The following GASK1A variants were observed in gnomAD, a reference collection of about 807,000 sequenced individuals.
GASK1A encodes golgi associated kinase 1A.
A neutral mutation model predicts 41.2 loss-of-function variants in GASK1A; 40 were observed. The observed-to-expected ratio is 0.97, with a 90% confidence interval of 0.75 to 1.27. GASK1A has a LOEUF of 1.27. Ranked by LOEUF, GASK1A falls within the 50% of genes most tolerant of loss-of-function variation. The probability of loss-of-function intolerance (pLI) is 0.00; values close to 1 mark genes in which losing one functional copy is unlikely to be tolerated. For synonymous variants in GASK1A, 316 were observed against 307.1 expected (o/e 1.03, Z -0.30); for missense variants, 678 against 745.1 (o/e 0.91, Z 1.05).
chr3:43,008,489 C>T (rs553601464), intron 1 of GASK1A, among the ~76,000 whole-genome samples: 1 of 152,344 alleles, frequency 6.6e-6, no homozygotes, highest in East Asian at 1.9e-4. Flanking sequence ...CTCTTTATTT[C>T]CCATTCAGTG....
intron 1 of GASK1A, among the ~76,000 whole-genome samples, chr3:43,017,911 G>T (rs970298848): frequency 6.6e-6 from 1 of 152,128 alleles, no homozygotes; most frequent in African/African-American, 2.4e-5. Flanking sequence ...CCACAGGAAG[G>T]TGGGAAGTCA....
chr3:42,990,088 G>A (rs1327914208), intron 1 of GASK1A, among the ~76,000 whole-genome samples: 1 of 151,948 alleles, frequency 6.6e-6, no homozygotes, highest in African/African-American at 2.4e-5. Context: ...CAGCACTTTG[G>A]GAGGCTGAGG....
intron 1 of GASK1A, among the ~76,000 whole-genome samples, chr3:43,023,846 C>T (rs994571374): frequency 2.0e-5 from 3 of 152,050 alleles, no homozygotes; most frequent in South Asian, 2.1e-4. Context: ...GCTTATTTAC[C>T]CACTGACTTT....
chr3:42,981,810 T>C (rs1215596806), intron 1 of GASK1A, among the ~76,000 whole-genome samples: 5 of 152,226 alleles, frequency 3.3e-5, no homozygotes, highest in Admixed American at 2.6e-4. Flanking sequence ...ATAGATGCTA[T>C]ATCATTTCCC....
At chr3:43,009,277 C>T (rs1287238863) in intron 1 of GASK1A, among the ~76,000 whole-genome samples, 1 of 152,212 alleles carries the variant, frequency 6.6e-6, no homozygotes, top group East Asian at 1.9e-4. Flanking sequence ...TAACACAACT[C>T]ATCATCTCCC....
At chr3:43,015,585 C>T (rs2089486790) in intron 1 of GASK1A, among the ~76,000 whole-genome samples, 1 of 142,808 alleles carries the variant, frequency 7.0e-6, no homozygotes, top group East Asian at 2.2e-4. Flanking sequence ...TGCAAAGTCA[C>T]AGGAAGGAAA....
In GASK1A at chr3:43,033,236, G is replaced by A; in HGVS notation, c.973G>A (p.Asp325Asn). 6.4e-7 allele frequency: 1 copy of A among 1,551,724 alleles called. No individual in the cohort carries two copies. The highest frequency in any genetic ancestry group is 8.7e-7 in the Non-Finnish European group (1 of 1,146,992). The change falls in exon 2 of 5, where the codon GAC (aspartate) becomes AAC (asparagine). Residue 325 changes from aspartate to asparagine, a missense_variant. Physicochemically the swap from Asp to Asn is conservative, Grantham distance 23. Transcript: ENST00000430121. ...GLCGLIKRPG[D>N]LPEVLSFHVD... ...CTGTGGCCTGATCAAGAGGCCTGGG[G>A]ACCTGCCTGAGGTCCTGTCCTTCCA... is the stretch of plus-strand genomic sequence containing the variant.
Position 43,057,485 on chromosome 3 carries a change from T to TC in GASK1A, c.*1099_*1100insC, listed in dbSNP as rs936808220. 1 of 151,930 alleles carries TC rather than the reference T, an allele frequency of 6.6e-6. No individual in the cohort carries two copies. The highest frequency in any genetic ancestry group is 2.4e-5 in the African/African-American group (1 of 41,380). The allele number at this position is 151,930 out of a possible 1,614,324, so 9.4% of individuals were successfully genotyped here. ...TGGCATTCTCAGACTTTTGGGTTTT[T>TC]TTTGGCCTATTTAGGAGGAAAACCG... On this transcript the variant is annotated 3_prime_UTR_variant, in exon 5 of 5. Coordinates refer to ENST00000430121, the MANE Select transcript of GASK1A (RefSeq NM_001129908.3).
intron 1 of GASK1A, among the ~76,000 whole-genome samples, chr3:43,025,522 G>A (rs1456153454): frequency 6.6e-6 from 1 of 152,158 alleles, no homozygotes; most frequent in Non-Finnish European, 1.5e-5. Context: ...TGGGATAGGT[G>A]GATCACCTCA....
At chr3:43,048,273 G>A (rs2089673262) in intron 2 of GASK1A, among the ~76,000 whole-genome samples, 1 of 152,136 alleles carries the variant, frequency 6.6e-6, no homozygotes, top group Non-Finnish European at 1.5e-5. Context: ...CGATGTTTCT[G>A]TGCTACTCCG....
At chr3:43,036,501 C>T (rs2089605236) in intron 2 of GASK1A, among the ~76,000 whole-genome samples, 1 of 152,162 alleles carries the variant, frequency 6.6e-6, no homozygotes, top group African/African-American at 2.4e-5. Context: ...AACACAAGCA[C>T]CGCACACATG....
chr3:43,055,334 CT>C, intron 3 of GASK1A, 97 bp from the exon 4 acceptor site: 1 of 795,838 alleles, frequency 1.3e-6, no homozygotes, highest in Non-Finnish European at 2.1e-6. Context: ...GGACTGACAG[CT>C]CAGGGCTGTC....
intron 1 of GASK1A, among the ~76,000 whole-genome samples, chr3:42,996,145 T>C (rs2089368140): frequency 1.3e-5 from 2 of 152,186 alleles, no homozygotes; most frequent in African/African-American, 4.8e-5. Context: ...GACACTCCGT[T>C]GACATTCCTG....
chr3:43,032,631 C>T lies in GASK1A; in HGVS notation c.368C>T (p.Thr123Ile), dbSNP rs1432612030. ...CCAGGGAGGGTGAGGAGGGACATTA[C>T]TTTGTCAGGACATCCAAGACTCAGT... Reference protein sequence around the residue: ...RHPGRVRRDITLSGHPRLSTQ... With the variant: ...RHPGRVRRDIILSGHPRLSTQ... The change falls in exon 2 of 5, where the codon ACT (threonine) becomes ATT (isoleucine). Residue 123 changes from threonine to isoleucine, a missense_variant. Physicochemically the swap from Thr to Ile is moderately conservative, Grantham distance 89 (BLOSUM62 -1). Transcript: ENST00000430121. The T allele has an allele frequency of 1.3e-5, 20 of 1,551,720 alleles. No individual in the cohort carries two copies. The East Asian group carries it at 4.9e-4, about 38-fold the overall frequency.
At chr3:43,019,805 C>T (rs1202582110) in intron 1 of GASK1A, among the ~76,000 whole-genome samples, 2 of 151,696 alleles carry the variant, frequency 1.3e-5, no homozygotes, top group Admixed American at 6.6e-5. Context: ...CACATGGCTT[C>T]CCTCTACCCC....
intron 1 of GASK1A, among the ~76,000 whole-genome samples, chr3:42,990,366 G>A (rs1166914237): frequency 3.4e-5 from 5 of 148,456 alleles, no homozygotes; most frequent in Non-Finnish European, 6.0e-5. Flanking sequence ...AAAAAAAAAA[G>A]GGTCCCTATG....
intron 1 of GASK1A, among the ~76,000 whole-genome samples, chr3:43,002,391 G>A (rs1236843011): frequency 6.6e-6 from 1 of 152,186 alleles, no homozygotes; most frequent in Admixed American, 6.5e-5. Context: ...TCTCTCGTAA[G>A]TTGGGACTGT....
chr3:43,007,736 AT>A (rs143839385), intron 1 of GASK1A, among the ~76,000 whole-genome samples: 25,678 of 152,112 alleles, frequency 0.17, 2,344 homozygotes, highest in Non-Finnish European at 0.2. Context: ...CTTTACTGTT[AT>A]TTTCATATTT....
At position 43,033,040 on chromosome 3, in the gene GASK1A, A is replaced by G; in HGVS notation, c.777A>G (p.Pro259=). ...SSSRTGGQAP[P]WLTDHDVQML... is the part of the protein sequence containing the mutation. ...CGAGGACTGGTGGGCAGGCTCCCCCATGGCTGACAGACCACGATGTGCAGA... is the reference window on the plus strand; with the variant it reads ...CGAGGACTGGTGGGCAGGCTCCCCCGTGGCTGACAGACCACGATGTGCAGA... The change falls in exon 2 of 5, where the codon CCA becomes CCG. Residue 259 remains proline, a synonymous_variant. Coordinates refer to ENST00000430121, the MANE Select transcript of GASK1A (RefSeq NM_001129908.3). 6.4e-7 allele frequency: 1 copy of G among 1,551,710 alleles called. No individual in the cohort carries two copies. Among genetic ancestry groups the G allele is most frequent in the Non-Finnish European group, 8.7e-7 (1 of 1,147,002 alleles).
Sources: gnomAD v4.1 joint callset for allele counts (sites outside exome capture counted in the v4.1 genomes callset) on GRCh38, gnomAD v4.1.1 for gene constraint, MANE v1.5 for transcripts, NCBI Gene and HGNC (gene_info 2026-07-23, HGNC 2026-07-21) for gene names.